PDE10A: variants seen among roughly 807,000 people sequenced by gnomAD.
PDE10A encodes the protein cAMP and cAMP-inhibited cGMP 3',5'-cyclic phosphodiesterase 10A.
PDE10A carries 39 observed loss-of-function variants against 97.7 expected under a neutral mutation model. The ratio of observed to expected loss-of-function variants is 0.40; its 90% CI spans 0.31 to 0.52. The LOEUF (loss-of-function observed/expected upper bound fraction) is 0.52, where lower values mean the gene tolerates loss of function less well. PDE10A is among the 20% of genes least tolerant of loss of function. The pLI is 0.56. For missense variants in PDE10A, 731 were observed against 1,047.8 expected (o/e 0.70, Z 4.17); for synonymous variants, 371 against 376.8 (o/e 0.98, Z 0.18).
intron 20 of PDE10A, among the ~76,000 whole-genome samples, chr6:165,337,929 A>G (rs1033543986): frequency 3.5e-4 from 54 of 152,344 alleles, no homozygotes; most frequent in African/African-American, 1.3e-3. Context: ...AGAAGAAACT[A>G]AAGAAAATAT....
intron 18 of PDE10A, among the ~76,000 whole-genome samples, chr6:165,361,437 T>A (rs1187932249): frequency 1.3e-5 from 2 of 152,228 alleles, no homozygotes; most frequent in Non-Finnish European, 2.9e-5. Context: ...CATATTCTCA[T>A]ATGACTATTA....
intron 19 of PDE10A, among the ~76,000 whole-genome samples, chr6:165,342,734 G>A (rs924650915): frequency 6.6e-6 from 1 of 152,110 alleles, no homozygotes; most frequent in Non-Finnish European, 1.5e-5. Context: ...CAAAGGCCTA[G>A]GTATCCGTGA....
At chr6:165,510,159 T>C (rs1336086486) in intron 2 of PDE10A, among the ~76,000 whole-genome samples, 3 of 152,092 alleles carry the variant, frequency 2.0e-5, no homozygotes, top group African/African-American at 7.2e-5. Flanking sequence ...GTTCCAGGTC[T>C]TACATGAAAT....
chr6:165,926,217 G>T (rs112197488), intron 1 of PDE10A, among the ~76,000 whole-genome samples: 1 of 152,276 alleles, frequency 6.6e-6, no homozygotes, highest in African/African-American at 2.4e-5. Context: ...TTCTGCAGGT[G>T]AGGCCCCAAG....
chr6:165,818,980 T>C (rs979358936), intron 1 of PDE10A, among the ~76,000 whole-genome samples: 1 of 152,178 alleles, frequency 6.6e-6, no homozygotes, highest in African/African-American at 2.4e-5. Context: ...ATTCAATGTA[T>C]ATAAAATGTA....
intron 1 of PDE10A, among the ~76,000 whole-genome samples, chr6:165,562,893 C>T (rs1784590120): frequency 6.6e-6 from 1 of 150,960 alleles, no homozygotes; most frequent in Admixed American, 6.6e-5. Flanking sequence ...GTACCAGTGA[C>T]ATCTAGTGAC....
upstream of PDE10A, among the ~76,000 whole-genome samples, chr6:165,667,538 GT>G (rs1430474143): frequency 1.3e-5 from 2 of 151,628 alleles, no homozygotes; most frequent in African/African-American, 4.8e-5. Flanking sequence ...AATAAAATTA[GT>G]TTTTAATTAG....
At chr6:165,449,123 A>G in intron 4 of PDE10A, 146 bp from the exon 5 acceptor site, 1 of 605,664 alleles carries the variant, frequency 1.7e-6, no homozygotes, top group Non-Finnish European at 3.0e-6. Flanking sequence ...GAACAAAATC[A>G]CTTATGGCTT....
At chr6:165,748,976 T>G (rs1373951722) in intron 1 of PDE10A, among the ~76,000 whole-genome samples, 1 of 152,194 alleles carries the variant, frequency 6.6e-6, no homozygotes, top group Non-Finnish European at 1.5e-5. Context: ...CGTTTCAGGT[T>G]CCTTATATGT....
intron 1 of PDE10A, among the ~76,000 whole-genome samples, chr6:165,708,835 C>T (rs375204673): frequency 1.3e-5 from 1 of 77,158 alleles, no homozygotes; most frequent in Non-Finnish European, 2.5e-5. Flanking sequence ...CTGCCACGCT[C>T]ACCCCCACTC....
At chr6:165,526,634 G>A (rs59701843) in intron 2 of PDE10A, among the ~76,000 whole-genome samples, 1 of 152,310 alleles carries the variant, frequency 6.6e-6, no homozygotes, top group African/African-American at 2.4e-5. Flanking sequence ...GAAGTCAGAC[G>A]GATCTTGGAG....
intron 1 of PDE10A, among the ~76,000 whole-genome samples, chr6:165,872,886 A>G (rs748751192): frequency 1.3e-5 from 2 of 152,200 alleles, no homozygotes; most frequent in Admixed American, 6.5e-5. Context: ...GGACATCCCC[A>G]GTGAAACCTG....
chr6:165,700,203 G>A (rs987099127), intron 1 of PDE10A, among the ~76,000 whole-genome samples: 3 of 152,132 alleles, frequency 2.0e-5, no homozygotes, highest in African/African-American at 4.8e-5. Flanking sequence ...AGTCACAAGA[G>A]ACCACATACT....
intron 3 of PDE10A, among the ~76,000 whole-genome samples, chr6:165,478,964 C>G (rs1317850768): frequency 6.6e-6 from 1 of 152,190 alleles, no homozygotes; most frequent in Admixed American, 6.5e-5. Flanking sequence ...CCTTTCCAGA[C>G]CAAACCAAGG....
At chr6:165,779,898 A>G (rs1166633008) in intron 1 of PDE10A, among the ~76,000 whole-genome samples, 2 of 152,156 alleles carry the variant, frequency 1.3e-5, no homozygotes, top group African/African-American at 2.4e-5. Context: ...CCCGCCCAAC[A>G]CTGCCAACCC....
At chr6:165,777,854 C>T (rs916645935) in intron 1 of PDE10A, among the ~76,000 whole-genome samples, 1 of 152,112 alleles carries the variant, frequency 6.6e-6, no homozygotes, top group Non-Finnish European at 1.5e-5. Flanking sequence ...TGTCTGCTGG[C>T]CTGCTCCTCC....
intron 2 of PDE10A, among the ~76,000 whole-genome samples, chr6:165,526,621 G>A (rs978619162): frequency 2.0e-5 from 3 of 152,204 alleles, no homozygotes; most frequent in African/African-American, 7.2e-5. Flanking sequence ...TTTGGCCTTT[G>A]CAGAAGTCAG....
At chr6:165,678,226 T>C (rs1394038309) in intron 1 of PDE10A, among the ~76,000 whole-genome samples, 6 of 97,118 alleles carry the variant, frequency 6.2e-5, no homozygotes, top group Admixed American at 1.2e-4. Flanking sequence ...TGTATATGTG[T>C]GTGTGTATGT....
intron 16 of PDE10A, among the ~76,000 whole-genome samples, chr6:165,390,508 C>T (rs992411416): frequency 1.3e-5 from 2 of 152,074 alleles, no homozygotes; most frequent in Non-Finnish European, 2.9e-5. Flanking sequence ...AAACTGCATG[C>T]GTACATGCAG....
Sources: allele counts gnomAD v4.1 joint callset (sites outside exome capture counted in the v4.1 genomes callset), GRCh38; gene constraint gnomAD v4.1.1; transcripts MANE v1.5; gene names NCBI Gene and HGNC (gene_info 2026-07-23, HGNC 2026-07-21).